Variants in UST observed in about 807,000 individuals in gnomAD.
UST encodes the protein chondroitin sulfate 2-O-sulfotransferase.
Under a neutral mutation model 45.6 loss-of-function variants are expected in UST, and 21 were observed. The observed-to-expected ratio is 0.46, with a 90% confidence interval of 0.33 to 0.66. UST has a LOEUF of 0.66. UST is among the 30% of genes least tolerant of loss of function. UST has a pLI of 0.02. For missense variants in UST, 463 were observed against 512.4 expected, an observed-to-expected ratio of 0.90 and a Z score of 0.93; for synonymous variants, 215 against 200.6, an observed-to-expected ratio of 1.07 and a Z score of -0.61.
intron 1 of UST, among the ~76,000 whole-genome samples, chr6:148,831,548 C>T (rs548045383): frequency 6.6e-6 from 1 of 152,326 alleles, no homozygotes; most frequent in South Asian, 2.1e-4. Context: ...AAGCAAGACA[C>T]TGTGCTAAGT....
At chr6:148,944,508 T>TACAC (rs10663979) in intron 3 of UST, among the ~76,000 whole-genome samples, 25,191 of 142,444 alleles carry the variant, frequency 0.18, 2,254 homozygotes, top group African/African-American at 0.21. Context: ...GTTGTGATCA[T>TACAC]ACACACACAC....
intron 3 of UST, among the ~76,000 whole-genome samples, chr6:148,952,849 G>C (rs1044319180): frequency 6.6e-6 from 1 of 152,144 alleles, no homozygotes; most frequent in African/African-American, 2.4e-5. Flanking sequence ...CGTTTTGATG[G>C]GGCCAACCAG....
chr6:149,058,373 G>T (rs113724788), intron 7 of UST, among the ~76,000 whole-genome samples: 15 of 150,630 alleles, frequency 1.0e-4, no homozygotes, highest in African/African-American at 3.5e-4. Flanking sequence ...GTGTGTGTGT[G>T]TGTGTGTGTG....
intron 5 of UST, among the ~76,000 whole-genome samples, chr6:148,976,407 G>A (rs1229704436): frequency 1.3e-5 from 2 of 152,174 alleles, no homozygotes; most frequent in Admixed American, 6.5e-5. Flanking sequence ...CTTATAAGCT[G>A]TTACTATCTG....
rs191316083 is a variant in UST at position 148,822,203 on chromosome 6, G to A, written c.248-64783G>A. On this transcript the variant is annotated intron_variant, in intron 1 of 7. Coordinates refer to ENST00000367463, the MANE Select transcript of UST (RefSeq NM_005715.3). ...TGAGTGTATACACGTGCACACACACGTCTATATCAATTTCTAGATGTCTGT... is the reference window on the plus strand; with the variant it reads ...TGAGTGTATACACGTGCACACACACATCTATATCAATTTCTAGATGTCTGT... 1.0e-3 allele frequency among the ~76,000 whole-genome samples: 152 copies of A among 152,198 alleles called. 1 individual carries two copies. Among genetic ancestry groups the A allele is most frequent in the African/African-American group, 3.3e-3 (136 of 41,536 alleles).
chr6:148,872,962 TA>T (rs1201923664), intron 1 of UST, among the ~76,000 whole-genome samples: 1 of 152,180 alleles, frequency 6.6e-6, no homozygotes. Context: ...TTTTGCCACG[TA>T]AAGTAACGGA....
At chr6:148,980,434 CA>C in intron 5 of UST, among the ~76,000 whole-genome samples, 1 of 152,296 alleles carries the variant, frequency 6.6e-6, no homozygotes, top group African/African-American at 2.4e-5. Flanking sequence ...TCAGCTTTTG[CA>C]TAGTGCTGCC....
At chr6:148,979,964 G>A (rs542013822) in intron 5 of UST, among the ~76,000 whole-genome samples, 3 of 152,238 alleles carry the variant, frequency 2.0e-5, no homozygotes, top group South Asian at 2.1e-4. Context: ...GTTAAAGCTC[G>A]AGTAACTCTT....
At chr6:148,847,987 C>T (rs1241951890) in intron 1 of UST, among the ~76,000 whole-genome samples, 1 of 152,048 alleles carries the variant, frequency 6.6e-6, no homozygotes, top group African/African-American at 2.4e-5. Context: ...GCAGAGTGAC[C>T]CCCTATAACC....
Position 149,076,697 on chromosome 6 carries a change from A to G in UST, c.*2581A>G, listed in dbSNP as rs1021098976. 43 of 152,646 alleles carry G rather than the reference A, an allele frequency of 2.8e-4. No individual in the cohort carries two copies. Among genetic ancestry groups the G allele is most frequent in the Admixed American group, 8.5e-4 (13 of 15,284 alleles). 9.5% of individuals were successfully genotyped at this position (152,646 alleles called of 1,614,324 possible). On this transcript the variant is annotated 3_prime_UTR_variant, in exon 8 of 8. Coordinates refer to ENST00000367463, the MANE Select transcript of UST (RefSeq NM_005715.3). Reference sequence around the variant, plus strand: ...TAATTTAAAAAATACCTTTTAAGCTAGTTGATCTTTGACTGTCTTATTTAT... The same window carrying G: ...TAATTTAAAAAATACCTTTTAAGCTGGTTGATCTTTGACTGTCTTATTTAT...
intron 1 of UST, among the ~76,000 whole-genome samples, chr6:148,866,919 T>C (rs1308467121): frequency 1.3e-5 from 2 of 152,024 alleles, no homozygotes; most frequent in African/African-American, 4.8e-5. Context: ...AGGTTTGTAA[T>C]GGCTTTGCTT....
intron 7 of UST, 107 bp from the exon 8 acceptor site, chr6:149,073,726 G>A: frequency 7.6e-7 from 1 of 1,317,868 alleles, no homozygotes; most frequent in Admixed American, 2.3e-5. Context: ...ATATGCAGTT[G>A]CTTCCTTAGG....
intron 2 of UST, among the ~76,000 whole-genome samples, chr6:148,910,583 G>A (rs562563599): frequency 6.6e-6 from 1 of 152,208 alleles, no homozygotes; most frequent in South Asian, 2.1e-4. Flanking sequence ...AAGAAAGTTA[G>A]CAAATCAACT....
At chr6:148,881,497 C>G (rs9498173) in intron 1 of UST, among the ~76,000 whole-genome samples, 28,956 of 152,100 alleles carry the variant, frequency 0.19, 3,043 homozygotes, top group African/African-American at 0.29. Flanking sequence ...CTGCCTGGCA[C>G]AGTGCTGCCG....
At chr6:148,898,162 G>A (rs1265807147) in intron 2 of UST, among the ~76,000 whole-genome samples, 1 of 152,226 alleles carries the variant, frequency 6.6e-6, no homozygotes, top group African/African-American at 2.4e-5. Context: ...GAGGCTGGGA[G>A]TTAGGAATCA....
chr6:149,005,749 A>T (rs1775674301), intron 5 of UST, among the ~76,000 whole-genome samples: 1 of 152,206 alleles, frequency 6.6e-6, no homozygotes, highest in Admixed American at 6.5e-5. Context: ...TTATGAACTC[A>T]TTTCCACCAG....
At chr6:149,068,785 A>G (rs1322466715) in intron 7 of UST, among the ~76,000 whole-genome samples, 1 of 152,216 alleles carries the variant, frequency 6.6e-6, no homozygotes, top group African/African-American at 2.4e-5. Context: ...AACATACAAT[A>G]CATTGTTGCT....
chr6:148,909,920 T>A (rs1331026075), intron 2 of UST, among the ~76,000 whole-genome samples: 3 of 152,184 alleles, frequency 2.0e-5, no homozygotes, highest in Non-Finnish European at 4.4e-5. Context: ...ATTGTCTTGA[T>A]TATGCAAATA....
intron 1 of UST, among the ~76,000 whole-genome samples, chr6:148,771,090 G>T (rs151252023): frequency 6.6e-6 from 1 of 152,086 alleles, no homozygotes; most frequent in Non-Finnish European, 1.5e-5. Flanking sequence ...TGTTTTTTCT[G>T]ATTAGCTAAA....
Sources: gnomAD v4.1 joint callset for allele counts (sites outside exome capture counted in the v4.1 genomes callset) on GRCh38, gnomAD v4.1.1 for gene constraint, MANE v1.5 for transcripts, NCBI Gene and HGNC (gene_info 2026-07-23, HGNC 2026-07-21) for gene names.